The following TENM2 variants were observed in gnomAD, a reference collection of about 807,000 sequenced individuals.
TENM2 encodes the protein teneurin-2.
In TENM2, 52 loss-of-function variants were observed where a neutral mutation model predicts 245.2. The observed-to-expected ratio is 0.21, with a 90% CI of 0.17 to 0.27. The LOEUF is 0.27. Among genes scored for constraint, TENM2 ranks in the 10% least tolerant of loss-of-function variants. The pLI, the probability that TENM2 is intolerant of heterozygous loss-of-function variation, is 1.00. For missense variants in TENM2, 3,046 were observed against 3,666.8 expected, an observed-to-expected ratio of 0.83 and a Z score of 4.37; for synonymous variants, 1,363 against 1,438.9, an observed-to-expected ratio of 0.95 and a Z score of 1.19.
At chr5:167,753,296 A>G (rs753799933) in intron 2 of TENM2, among the ~76,000 whole-genome samples, 4 of 152,186 alleles carry the variant, frequency 2.6e-5, no homozygotes, top group African/African-American at 7.2e-5. Flanking sequence ...GCTGTCTCAA[A>G]TATTGTGGAG....
At chr5:168,144,037 T>A (rs1238855835) in intron 12 of TENM2, among the ~76,000 whole-genome samples, 2 of 151,770 alleles carry the variant, frequency 1.3e-5, no homozygotes, top group African/African-American at 4.8e-5. Flanking sequence ...TTTTGTATTT[T>A]TAGTAGGGAC....
At chr5:167,620,231 C>T (rs1370746804) in intron 2 of TENM2, among the ~76,000 whole-genome samples, 5 of 152,128 alleles carry the variant, frequency 3.3e-5, no homozygotes, top group South Asian at 4.2e-4. Context: ...TAATGGTAAT[C>T]GGTGTAAACC....
intron 2 of TENM2, among the ~76,000 whole-genome samples, chr5:167,855,390 C>T (rs1770969745): frequency 6.6e-6 from 1 of 152,132 alleles, no homozygotes; most frequent in Non-Finnish European, 1.5e-5. Context: ...TGAAAACACA[C>T]ACACATATGT....
intron 4 of TENM2, among the ~76,000 whole-genome samples, chr5:167,961,523 G>T (rs1445344092): frequency 6.6e-6 from 1 of 152,126 alleles, no homozygotes; most frequent in African/African-American, 2.4e-5. Flanking sequence ...GAAGAAGAAA[G>T]GAAGGAAAGA....
the TENM2 span, among the ~76,000 whole-genome samples, chr5:167,238,632 T>C: frequency 6.7e-6 from 1 of 149,580 alleles, no homozygotes; most frequent in East Asian, 2.0e-4. Flanking sequence ...CTTTTAAACA[T>C]ATGCATTCTT....
At chr5:168,196,812 T>A (rs1562269351) in intron 15 of TENM2, among the ~76,000 whole-genome samples, 1 of 152,228 alleles carries the variant, frequency 6.6e-6, no homozygotes, top group African/African-American at 2.4e-5. Context: ...TGAAGTCCCA[T>A]GAAACAACAG....
chr5:167,060,299 C>A, the TENM2 span, among the ~76,000 whole-genome samples: 1 of 151,904 alleles, frequency 6.6e-6, no homozygotes, highest in Non-Finnish European at 1.5e-5. Flanking sequence ...ACATAAATTA[C>A]AATACAAATA....
chr5:167,759,916 T>C (rs902767928), intron 2 of TENM2, among the ~76,000 whole-genome samples: 1 of 152,080 alleles, frequency 6.6e-6, no homozygotes, highest in Non-Finnish European at 1.5e-5. Context: ...TAAAAAAACA[T>C]AGATTCTGTT....
intron 1 of TENM2, among the ~76,000 whole-genome samples, chr5:167,321,973 C>A (rs1235084409): frequency 6.6e-6 from 1 of 151,810 alleles, no homozygotes; most frequent in African/African-American, 2.4e-5. Flanking sequence ...GGACTACAGG[C>A]ATGCACCACC....
At chr5:167,384,515 G>C (rs937397285) in intron 2 of TENM2, among the ~76,000 whole-genome samples, 1 of 152,172 alleles carries the variant, frequency 6.6e-6, no homozygotes, top group Non-Finnish European at 1.5e-5. Flanking sequence ...ATTTGATTGA[G>C]TAGCAGTAGA....
the TENM2 span, among the ~76,000 whole-genome samples, chr5:167,054,251 A>G: frequency 2.6e-5 from 4 of 152,088 alleles, no homozygotes; most frequent in African/African-American, 9.7e-5. Flanking sequence ...CCACAATTTC[A>G]CCATTTCTTC....
intron 2 of TENM2, among the ~76,000 whole-genome samples, chr5:167,437,730 T>C (rs1020893004): frequency 1.3e-5 from 2 of 152,138 alleles, no homozygotes; most frequent in African/African-American, 4.8e-5. Flanking sequence ...GTTCTTGTGA[T>C]AGTGAATGAG....
the TENM2 span, among the ~76,000 whole-genome samples, chr5:166,985,511 T>TTTTC: frequency 6.6e-6 from 1 of 152,126 alleles, no homozygotes; most frequent in Non-Finnish European, 1.5e-5. Flanking sequence ...TTCACAGTGG[T>TTTTC]TAGGGCTCCA....
At chr5:167,243,241 A>AT in the TENM2 span, among the ~76,000 whole-genome samples, 1 of 152,140 alleles carries the variant, frequency 6.6e-6, no homozygotes, top group African/African-American at 2.4e-5. Context: ...TTTCTGGGAA[A>AT]TTTAAGGCAA....
At chr5:167,735,114 C>G (rs915045354) in intron 2 of TENM2, among the ~76,000 whole-genome samples, 1 of 152,144 alleles carries the variant, frequency 6.6e-6, no homozygotes, top group Non-Finnish European at 1.5e-5. Flanking sequence ...TACTAACAAG[C>G]AAACAATTGC....
At chr5:167,043,888 C>T in the TENM2 span, among the ~76,000 whole-genome samples, 1 of 151,968 alleles carries the variant, frequency 6.6e-6, no homozygotes, top group East Asian at 1.9e-4. Context: ...GGTATGGTGG[C>T]ACACACCTGT....
At chr5:168,083,235 G>C (rs560404541) in intron 7 of TENM2, among the ~76,000 whole-genome samples, 8 of 152,354 alleles carry the variant, frequency 5.3e-5, no homozygotes, top group Admixed American at 2.0e-4. Context: ...ATCCGTTGGT[G>C]TGGGACCCTC....
intron 7 of TENM2, among the ~76,000 whole-genome samples, chr5:168,067,144 A>C (rs569728066): frequency 2.0e-5 from 3 of 152,318 alleles, no homozygotes; most frequent in Admixed American, 2.0e-4. Flanking sequence ...AATATTAAAA[A>C]TGCCTATTTC....
chr5:167,136,217 G>A, the TENM2 span, among the ~76,000 whole-genome samples: 30 of 152,146 alleles, frequency 2.0e-4, no homozygotes, highest in Middle Eastern at 3.4e-3. Context: ...TTTTTGTCTT[G>A]TGGTTCTATT....
Sources: allele counts gnomAD v4.1 joint callset (sites outside exome capture counted in the v4.1 genomes callset), GRCh38; gene constraint gnomAD v4.1.1; transcripts MANE v1.5; gene names NCBI Gene and HGNC (gene_info 2026-07-23, HGNC 2026-07-21).